CTNNA3: variants seen among roughly 807,000 people sequenced by gnomAD.
CTNNA3 encodes the protein catenin alpha 3.
A neutral mutation model predicts 95.7 loss-of-function variants in CTNNA3; 76 were observed. That is an observed-to-expected ratio of 0.79 (90% CI 0.66 to 0.96). The LOEUF (loss-of-function observed/expected upper bound fraction) is 0.96, where lower values mean the gene tolerates loss of function less well. Ranked by LOEUF, CTNNA3 falls within the 40% of genes least tolerant of loss-of-function variation. The probability of loss-of-function intolerance (pLI) is 0.00; values close to 1 mark genes in which losing one functional copy is unlikely to be tolerated. For synonymous variants in CTNNA3, 431 were observed against 374.4 expected (o/e 1.15, Z -1.74); for missense variants, 1,191 against 1,089.8 (o/e 1.09, Z -1.31).
intron 9 of CTNNA3, among the ~76,000 whole-genome samples, chr10:66,645,689 T>C (rs1845683706): frequency 6.6e-6 from 1 of 152,134 alleles, no homozygotes; most frequent in African/African-American, 2.4e-5. Flanking sequence ...GCGGTGGCAT[T>C]AGATTCTCAT....
intron 7 of CTNNA3, among the ~76,000 whole-genome samples, chr10:66,952,948 A>C (rs889950297): frequency 6.6e-6 from 1 of 152,094 alleles, no homozygotes; most frequent in Non-Finnish European, 1.5e-5. Flanking sequence ...GTATCCTTTG[A>C]AATACTTCCA....
chr10:67,188,149 A>G (rs919348262), intron 6 of CTNNA3, among the ~76,000 whole-genome samples: 2 of 152,252 alleles, frequency 1.3e-5, no homozygotes, highest in Non-Finnish European at 2.9e-5. Flanking sequence ...TTAGTTAAGC[A>G]CAGATTGACC....
chr10:67,287,771 T>C (rs967573168), intron 5 of CTNNA3, among the ~76,000 whole-genome samples: 3 of 152,192 alleles, frequency 2.0e-5, no homozygotes, highest in Admixed American at 1.3e-4. Flanking sequence ...TGATATTGTG[T>C]TCAAAGATTG....
At chr10:67,130,086 A>G (rs185527520) in intron 7 of CTNNA3, among the ~76,000 whole-genome samples, 74 of 152,180 alleles carry the variant, frequency 4.9e-4, no homozygotes, top group African/African-American at 1.8e-3. Flanking sequence ...TTCCAACATC[A>G]TGCTTGTTCA....
intron 17 of CTNNA3, among the ~76,000 whole-genome samples, chr10:65,933,281 GTAA>G (rs1335944473): frequency 6.6e-6 from 1 of 152,150 alleles, no homozygotes; most frequent in African/African-American, 2.4e-5. Flanking sequence ...TAATTTGATA[GTAA>G]TAATAATAGT....
intron 9 of CTNNA3, among the ~76,000 whole-genome samples, chr10:66,740,867 G>C (rs1314329392): frequency 6.6e-6 from 1 of 152,146 alleles, no homozygotes; most frequent in Non-Finnish European, 1.5e-5. Flanking sequence ...ATAATATGGA[G>C]AGGAAAAGCA....
chr10:66,516,325 T>A (rs1840856743), intron 11 of CTNNA3, among the ~76,000 whole-genome samples: 1 of 152,164 alleles, frequency 6.6e-6, no homozygotes, highest in South Asian at 2.1e-4. Context: ...GAGAGAGCAG[T>A]GGAAACCACT....
At chr10:67,506,104 G>A (rs1839422308) in intron 5 of CTNNA3, among the ~76,000 whole-genome samples, 1 of 152,154 alleles carries the variant, frequency 6.6e-6, no homozygotes, top group Admixed American at 6.5e-5. Context: ...AATTTACATT[G>A]TAAAAATTTA....
intron 5 of CTNNA3, among the ~76,000 whole-genome samples, chr10:67,243,189 T>G (rs868167890): frequency 3.9e-5 from 6 of 152,092 alleles, no homozygotes; most frequent in African/African-American, 1.4e-4. Flanking sequence ...CCCATGTTTC[T>G]CTCCAGCATT....
chr10:67,101,402 T>C lies in CTNNA3; in HGVS notation c.1047+78915A>G, dbSNP rs1444890523. Among the ~76,000 whole-genome samples, 4 of 151,602 alleles carry C rather than the reference T, an allele frequency of 2.6e-5. No individual in the cohort carries two copies. In the Admixed American group the frequency reaches 2.6e-4, roughly 10 times the overall value. Reference sequence around the variant, plus strand: ...TTTTTTCTTTTGGCAAGATTTCTTCTTAAACCATGAAATTTTTTTTACTTG... The same window carrying C: ...TTTTTTCTTTTGGCAAGATTTCTTCCTAAACCATGAAATTTTTTTTACTTG... On this transcript the variant is annotated intron_variant, in intron 7 of 17. Transcript: ENST00000433211.
At chr10:66,101,104 C>T (rs151019639) in intron 14 of CTNNA3, among the ~76,000 whole-genome samples, 19 of 152,282 alleles carry the variant, frequency 1.2e-4, no homozygotes, top group African/African-American at 4.3e-4. Flanking sequence ...GCACCCACTT[C>T]CCTGAAAGCA....
At chr10:66,242,202 G>A (rs2090140962) in intron 13 of CTNNA3, among the ~76,000 whole-genome samples, 1 of 152,006 alleles carries the variant, frequency 6.6e-6, no homozygotes, top group East Asian at 1.9e-4. Context: ...CTCCATAACT[G>A]TAAAAAATAA....
chr10:67,668,305 TG>T (rs1386384467), intron 1 of CTNNA3, among the ~76,000 whole-genome samples: 1 of 152,200 alleles, frequency 6.6e-6, no homozygotes, highest in African/African-American at 2.4e-5. Context: ...CACTATATGC[TG>T]TATCTGAATT....
At chr10:66,924,544 C>T (rs1846957952) in intron 7 of CTNNA3, among the ~76,000 whole-genome samples, 1 of 152,022 alleles carries the variant, frequency 6.6e-6, no homozygotes, top group Non-Finnish European at 1.5e-5. Flanking sequence ...AGATGATGAA[C>T]ATAAAGGAAG....
intron 7 of CTNNA3, among the ~76,000 whole-genome samples, chr10:67,140,383 T>C (rs1860499930): frequency 6.6e-6 from 1 of 152,180 alleles, no homozygotes; most frequent in Non-Finnish European, 1.5e-5. Flanking sequence ...CAAAATGGGC[T>C]GCATTAATAG....
At chr10:67,705,177 G>A (rs1384745522) in intron 1 of CTNNA3, among the ~76,000 whole-genome samples, 52 of 152,102 alleles carry the variant, frequency 3.4e-4, no homozygotes, top group African/African-American at 9.9e-4. Context: ...TACACTGTTG[G>A]TGGGACTGTA....
chr10:66,987,953 T>A (rs1226625396), intron 7 of CTNNA3, among the ~76,000 whole-genome samples: 4 of 152,174 alleles, frequency 2.6e-5, no homozygotes, highest in South Asian at 2.1e-4. Flanking sequence ...AACATTTCTA[T>A]CATAACAAAT....
In CTNNA3 at chr10:66,379,342, G is replaced by GA; in HGVS notation, c.1541dup (p.Glu516GlyfsTer16). The GA allele has an allele frequency of 6.2e-7, 1 of 1,613,782 alleles. No homozygotes were observed. The highest frequency in any genetic ancestry group is 8.5e-7 in the Non-Finnish European group (1 of 1,179,704). ...TGATACACTTGTTGACATCTTCCAA[G>GA]ATATGGCTTTCTGTAAGTAAATGAA... On this transcript the variant is annotated frameshift_variant, in exon 12 of 18. Coordinates refer to ENST00000433211, the MANE Select transcript of CTNNA3 (RefSeq NM_013266.4). LOFTEE classifies it high-confidence loss of function.
intron 7 of CTNNA3, among the ~76,000 whole-genome samples, chr10:67,042,462 T>G (rs537145047): frequency 6.6e-6 from 1 of 152,156 alleles, no homozygotes; most frequent in Non-Finnish European, 1.5e-5. Context: ...TCTAAGCATG[T>G]AGATTTTTAG....
Sources: gnomAD v4.1 joint callset for allele counts (sites outside exome capture counted in the v4.1 genomes callset) on GRCh38, gnomAD v4.1.1 for gene constraint, MANE v1.5 for transcripts, NCBI Gene and HGNC (gene_info 2026-07-23, HGNC 2026-07-21) for gene names.